The following NRXN3 variants were observed in gnomAD, a reference collection of about 807,000 sequenced individuals.
NRXN3 encodes the protein neurexin 3.
In NRXN3, 32 loss-of-function variants were observed where a neutral mutation model predicts 137.6. The ratio of observed to expected loss-of-function variants is 0.23; its 90% CI spans 0.18 to 0.31. NRXN3 has a LOEUF of 0.31. Ranked by LOEUF, NRXN3 falls within the 10% of genes least tolerant of loss-of-function variation. The pLI is 1.00. For synonymous variants in NRXN3, 798 were observed against 784.5 expected (o/e 1.02, Z -0.29); for missense variants, 1,574 against 2,062.5 (o/e 0.76, Z 4.59).
At chr14:79,279,735 C>G in intron 15 of NRXN3, 1 of 987,404 alleles carries the variant, frequency 1.0e-6, no homozygotes, top group Non-Finnish European at 1.2e-6. Context: ...CAGGAACACC[C>G]GAAGAACTCT....
chr14:79,113,285 A>G (rs991577582), intron 15 of NRXN3, among the ~76,000 whole-genome samples: 1 of 152,162 alleles, frequency 6.6e-6, no homozygotes, highest in Non-Finnish European at 1.5e-5. Context: ...ATTAAAAAAA[A>G]TTATCCAACT....
chr14:79,262,664 T>C (rs1331104030), intron 15 of NRXN3, among the ~76,000 whole-genome samples: 1 of 152,238 alleles, frequency 6.6e-6, no homozygotes, highest in East Asian at 1.9e-4. Flanking sequence ...TGCATATTTA[T>C]GTTTCAGGAA....
At chr14:78,754,831 T>C (rs1006104091) in intron 8 of NRXN3, among the ~76,000 whole-genome samples, 4 of 145,060 alleles carry the variant, frequency 2.8e-5, no homozygotes, top group African/African-American at 1.1e-4. Flanking sequence ...CATTTCAGTA[T>C]ACACTTTTTT....
rs1423260013 is a variant in NRXN3 at position 79,772,029 on chromosome 14, G to T, written c.4015-33083G>T. Among the ~76,000 whole-genome samples the T allele has an allele frequency of 7.2e-5, 10 of 138,442 alleles. No individual in the cohort carries two copies. The East Asian group carries it at 2.0e-3, about 27-fold the overall frequency. 90.8% of individuals were successfully genotyped at this position (138,442 alleles called of 152,430 possible). ...CATGAGTGAACTCCCAGTCACAATT[G>T]CTTCAAAGAGAATAAAATACCTAGG... is the stretch of plus-strand genomic sequence containing the variant. On this transcript the variant is annotated intron_variant, in intron 19 of 20. Coordinates refer to ENST00000335750, the MANE Select transcript of NRXN3 (RefSeq NM_001330195.2).
At chr14:79,820,123 T>C (rs11844722) in intron 20 of NRXN3, among the ~76,000 whole-genome samples, 5,547 of 152,222 alleles carry the variant, frequency 0.036, 343 homozygotes, top group African/African-American at 0.12. Context: ...TGAGATACGA[T>C]TTCACAACCT....
chr14:79,352,520 G>A (rs2153394639), intron 15 of NRXN3, among the ~76,000 whole-genome samples: 1 of 152,204 alleles, frequency 6.6e-6, no homozygotes, highest in East Asian at 1.9e-4. Context: ...ATAGTATGTG[G>A]AGGCATTATA....
chr14:79,358,621 G>GA (rs1339939382), intron 15 of NRXN3, among the ~76,000 whole-genome samples: 5 of 138,638 alleles, frequency 3.6e-5, no homozygotes, highest in East Asian at 2.8e-4. Flanking sequence ...AAGAAAGAAA[G>GA]AAAGAAAGAA....
At chr14:78,484,775 G>A (rs1258892720) in intron 4 of NRXN3, among the ~76,000 whole-genome samples, 1 of 152,140 alleles carries the variant, frequency 6.6e-6, no homozygotes, top group Non-Finnish European at 1.5e-5. Context: ...GGCAGCCGCT[G>A]ATCACTGTTA....
chr14:79,236,413 G>T (rs8015846), intron 15 of NRXN3, among the ~76,000 whole-genome samples: 3,131 of 152,076 alleles, frequency 0.021, 101 homozygotes, highest in African/African-American at 0.071. Flanking sequence ...GCTGATAAGC[G>T]TTAGACACTA....
intron 19 of NRXN3, among the ~76,000 whole-genome samples, chr14:79,701,086 G>A (rs58702851): frequency 0.023 from 3,565 of 152,076 alleles, 148 homozygotes; most frequent in African/African-American, 0.08. Flanking sequence ...ATAGCTTGAG[G>A]AAAGTGTTTC....
At chr14:79,684,801 G>C (rs2098688287) in intron 17 of NRXN3, among the ~76,000 whole-genome samples, 1 of 152,052 alleles carries the variant, frequency 6.6e-6, no homozygotes, top group African/African-American at 2.4e-5. Context: ...AAACATGAGA[G>C]GAATGAGAGG....
chr14:79,433,079 T>A (rs2095790315), intron 15 of NRXN3, among the ~76,000 whole-genome samples: 1 of 152,200 alleles, frequency 6.6e-6, no homozygotes, highest in African/African-American at 2.4e-5. Context: ...ACATTCTAAA[T>A]TTATAGTGCA....
intron 15 of NRXN3, among the ~76,000 whole-genome samples, chr14:79,047,480 C>A (rs2152558495): frequency 6.6e-6 from 1 of 152,032 alleles, no homozygotes; most frequent in East Asian, 1.9e-4. Context: ...AAATATATAC[C>A]TAAGAAAATT....
intron 15 of NRXN3, among the ~76,000 whole-genome samples, chr14:79,347,692 A>T (rs2092965483): frequency 6.6e-6 from 1 of 152,152 alleles, no homozygotes; most frequent in South Asian, 2.1e-4. Context: ...AAGTGCTGGG[A>T]TTACAGGCGT....
rs71452898 is a variant in NRXN3, at chr14:78,533,099, C to CTTTTTTTT, written c.758-112010_758-112003dup. 2.5e-5 allele frequency among the ~76,000 whole-genome samples: 3 copies of CTTTTTTTT among 120,062 alleles called. 1 individual carries two copies. The highest frequency in any genetic ancestry group is 5.1e-5 in the Non-Finnish European group (3 of 58,916). The allele number at this position is 120,062 out of a possible 152,430, so 78.8% of individuals were successfully genotyped here. Reference sequence around the variant, plus strand: ...ATATCTCTCTCTCTCTCCCTCCAGCCTTTTTTTTTTTTTTTTTTGAGATGG... The same window carrying CTTTTTTTT: ...ATATCTCTCTCTCTCTCCCTCCAGCCTTTTTTTTTTTTTTTTTTTTTTTTTTGAGATGG... On this transcript the variant is annotated intron_variant, in intron 4 of 20. Coordinates refer to ENST00000335750, the MANE Select transcript of NRXN3 (RefSeq NM_001330195.2).
At chr14:78,538,826 G>A (rs2096561526) in intron 4 of NRXN3, among the ~76,000 whole-genome samples, 1 of 152,176 alleles carries the variant, frequency 6.6e-6, no homozygotes, top group Non-Finnish European at 1.5e-5. Flanking sequence ...AGCATGAAAG[G>A]CTGTTGAATT....
chr14:78,628,445 A>G (rs1191101430), intron 4 of NRXN3, among the ~76,000 whole-genome samples: 1 of 152,218 alleles, frequency 6.6e-6, no homozygotes, highest in Non-Finnish European at 1.5e-5. Context: ...CCTGAAAAAT[A>G]TGACATGCTA....
At chr14:78,820,425 TAAA>T (rs10632138) in intron 10 of NRXN3, among the ~76,000 whole-genome samples, 2 of 120,972 alleles carry the variant, frequency 1.7e-5, no homozygotes, top group Non-Finnish European at 3.3e-5. Flanking sequence ...ATGTTATTTC[TAAA>T]AAAAAAAAAA....
intron 15 of NRXN3, among the ~76,000 whole-genome samples, chr14:79,132,855 C>G (rs1289561033): frequency 3.3e-5 from 5 of 152,206 alleles, no homozygotes; most frequent in African/African-American, 1.2e-4. Flanking sequence ...CAACAATGGG[C>G]TCAGCTAACC....
Sources: allele counts gnomAD v4.1 joint callset (sites outside exome capture counted in the v4.1 genomes callset), GRCh38; gene constraint gnomAD v4.1.1; transcripts MANE v1.5; gene names NCBI Gene and HGNC (gene_info 2026-07-23, HGNC 2026-07-21).